SEMA5B: variants seen among roughly 807,000 people sequenced by gnomAD.
The protein encoded by SEMA5B is semaphorin-5B.
SEMA5B carries 66 observed loss-of-function variants against 135.0 expected under a neutral mutation model. That is an observed-to-expected ratio of 0.49 (90% confidence interval 0.40 to 0.60). SEMA5B has a LOEUF of 0.60. Ranked by LOEUF, SEMA5B falls within the 20% of genes least tolerant of loss-of-function variation. The pLI, the probability that SEMA5B is intolerant of heterozygous loss-of-function variation, is 0.00. For synonymous variants in SEMA5B, 690 were observed against 639.5 expected (o/e 1.08, Z -1.19); for missense variants, 1,501 against 1,566.3 (o/e 0.96, Z 0.70).
At chr3:122,992,491 C>T (rs1171249936) in intron 1 of SEMA5B, among the ~76,000 whole-genome samples, 1 of 152,154 alleles carries the variant, frequency 6.6e-6, no homozygotes, top group Non-Finnish European at 1.5e-5. Context: ...CATCCCTCCA[C>T]ATGCTTTTAG....
At chr3:122,939,065 C>A (rs1398223699) in intron 5 of SEMA5B, among the ~76,000 whole-genome samples, 1 of 152,188 alleles carries the variant, frequency 6.6e-6, no homozygotes, top group Non-Finnish European at 1.5e-5. Flanking sequence ...ACCAACCAAC[C>A]CAGTTTGCCC....
chr3:123,010,111 T>A (rs1298992471), intron 1 of SEMA5B, among the ~76,000 whole-genome samples: 2 of 152,178 alleles, frequency 1.3e-5, no homozygotes, highest in Non-Finnish European at 2.9e-5. Flanking sequence ...GGTGGCTGGC[T>A]CTGGATGGGT....
intron 1 of SEMA5B, among the ~76,000 whole-genome samples, chr3:122,962,928 G>T (rs1940649044): frequency 6.6e-6 from 1 of 152,104 alleles, no homozygotes; most frequent in Non-Finnish European, 1.5e-5. Flanking sequence ...GGAGGGAAAA[G>T]TCACAATGGG....
chr3:123,009,597 A>G lies in SEMA5B; in HGVS notation c.-39+17867T>C, dbSNP rs191229476. ...AGAAAAAGAAAGACAATGCTATTCC[A>G]TGGTTGCTCCACACAGCACCCAGCC... On this transcript the variant is annotated intron_variant, in intron 1 of 22. Transcript: ENST00000357599. Among the ~76,000 whole-genome samples, 3 of 152,284 alleles carry G rather than the reference A, an allele frequency of 2.0e-5. No individual in the cohort carries two copies. The East Asian group carries it at 5.8e-4, about 29-fold the overall frequency.
rs564988283 is a variant in SEMA5B, at chr3:123,026,246, G to T, written c.-39+1218C>A. On this transcript the variant is annotated intron_variant, in intron 1 of 22. Coordinates refer to ENST00000357599, the MANE Select transcript of SEMA5B (RefSeq NM_001031702.4). ...CTTCCAAACCCTCAGTCCCAATTCC[G>T]TTGGCCGGGAAGGAGTGCATGCCAG... Among the ~76,000 whole-genome samples the T allele has an allele frequency of 9.8e-5, 15 of 152,346 alleles. No individual in the cohort carries two copies. The South Asian group carries it at 3.1e-3, about 32-fold the overall frequency.
intron 1 of SEMA5B, among the ~76,000 whole-genome samples, chr3:123,002,283 G>C (rs1942198011): frequency 6.6e-6 from 1 of 152,208 alleles, no homozygotes; most frequent in Non-Finnish European, 1.5e-5. Context: ...CATTAACCCA[G>C]TGCATTGCAT....
intron 1 of SEMA5B, among the ~76,000 whole-genome samples, chr3:123,017,414 G>A (rs142737203): frequency 2.8e-4 from 42 of 151,948 alleles, no homozygotes; most frequent in Middle Eastern, 3.5e-3. Context: ...AAGCAGCCAC[G>A]CTGTGTTTGA....
intron 4 of SEMA5B, 40 bp downstream of exon 4, chr3:122,943,396 C>G (rs1248565914): frequency 7.1e-7 from 1 of 1,400,510 alleles, no homozygotes; most frequent in East Asian, 2.4e-5. Flanking sequence ...CAGCTCCAAG[C>G]CCCTGCACTT....
chr3:123,007,389 T>C (rs900045362), intron 1 of SEMA5B, among the ~76,000 whole-genome samples: 1 of 152,192 alleles, frequency 6.6e-6, no homozygotes, highest in African/African-American at 2.4e-5. Context: ...GAGAGCTAAG[T>C]GAGATCTGCT....
At chr3:122,942,788 T>C (rs149597690) in intron 4 of SEMA5B, among the ~76,000 whole-genome samples, 2 of 152,240 alleles carry the variant, frequency 1.3e-5, no homozygotes, top group East Asian at 3.9e-4. Context: ...CAACACATTC[T>C]CGGGTGCTGC....
At chr3:123,023,639 C>G (rs1942739042) in intron 1 of SEMA5B, among the ~76,000 whole-genome samples, 1 of 152,300 alleles carries the variant, frequency 6.6e-6, no homozygotes, top group African/African-American at 2.4e-5. Context: ...CCCTCTCACC[C>G]TCCCCCAAAA....
chr3:122,985,257 C>T (rs949301655), intron 1 of SEMA5B, among the ~76,000 whole-genome samples: 3 of 152,156 alleles, frequency 2.0e-5, no homozygotes, highest in Non-Finnish European at 4.4e-5. Context: ...CTTTGAGAGG[C>T]CAAGGCAGGA....
intron 9 of SEMA5B, among the ~76,000 whole-genome samples, 173 bp from the exon 10 acceptor site, chr3:122,923,925 A>C (rs978683364): frequency 6.6e-6 from 1 of 151,572 alleles, no homozygotes; most frequent in Admixed American, 6.6e-5. Context: ...CATTCTGTAA[A>C]CCCCCTGGGA....
In SEMA5B at chr3:122,971,544, C is replaced by G. The variant is rs143157009; in HGVS notation, c.-38-10243G>C. ...TCCAAATCCATCATGGGGCATGAAG[C>G]AAAGATATTAACAGGTCTGCCAAGA... On this transcript the variant is annotated intron_variant, in intron 1 of 22. Coordinates refer to ENST00000357599, the MANE Select transcript of SEMA5B (RefSeq NM_001031702.4). 4.7e-3 allele frequency among the ~76,000 whole-genome samples: 716 copies of G among 152,358 alleles called. 3 individuals carry two copies. The highest frequency in any genetic ancestry group is 0.016 in the African/African-American group (680 of 41,586).
rs373708500 is a variant in SEMA5B, at chr3:122,910,100, T to C, written c.*43A>G. 1.9e-5 allele frequency: 30 copies of C among 1,601,178 alleles called. No homozygotes were observed. Among genetic ancestry groups the C allele is most frequent in the Non-Finnish European group, 2.3e-5 (27 of 1,173,822 alleles). ...CACTGTCCCATCTCCATCTGCTCTG[T>C]GCCTTATGAAGGCAAGAAGCCCAAG... On this transcript the variant is annotated 3_prime_UTR_variant, in exon 23 of 23. Coordinates refer to ENST00000357599, the MANE Select transcript of SEMA5B (RefSeq NM_001031702.4).
chr3:122,911,460 C>A (rs371097642), intron 21 of SEMA5B, 31 bp downstream of exon 21: 1 of 1,597,096 alleles, frequency 6.3e-7, no homozygotes, highest in Non-Finnish European at 8.5e-7. Context: ...CTGGGAGGAC[C>A]GCAGCATGAG....
intron 6 of SEMA5B, 99 bp from the exon 7 acceptor site, chr3:122,928,714 C>A: frequency 2.2e-6 from 2 of 925,440 alleles, no homozygotes; most frequent in South Asian, 1.6e-5. Context: ...AACAAGTATT[C>A]TAAACACTCC....
At chr3:123,000,543 C>T (rs1942143320) in intron 1 of SEMA5B, among the ~76,000 whole-genome samples, 2 of 152,138 alleles carry the variant, frequency 1.3e-5, no homozygotes, top group South Asian at 2.1e-4. Flanking sequence ...GGTATATTCA[C>T]AAATCTAATC....
chr3:122,917,507 CCT>C (rs1313568316), intron 12 of SEMA5B, among the ~76,000 whole-genome samples: 1 of 152,070 alleles, frequency 6.6e-6, no homozygotes, highest in African/African-American at 2.4e-5. Flanking sequence ...GGGAGAGTAA[CCT>C]GTCAGGTGAA....
Sources: gnomAD v4.1 joint callset for allele counts (sites outside exome capture counted in the v4.1 genomes callset) on GRCh38, gnomAD v4.1.1 for gene constraint, MANE v1.5 for transcripts, NCBI Gene and HGNC (gene_info 2026-07-23, HGNC 2026-07-21) for gene names.